The following ZSCAN18 variants were observed in gnomAD, a reference collection of about 807,000 sequenced individuals.
ZSCAN18 encodes the protein zinc finger and SCAN domain containing 18, also known as zinc finger and SCAN domain-containing protein 18.
ZSCAN18 carries 16 observed loss-of-function variants against 31.1 expected under a neutral mutation model. That is an observed-to-expected ratio of 0.51 (90% CI 0.35 to 0.78). ZSCAN18 has a LOEUF of 0.78. ZSCAN18 is among the 30% of genes least tolerant of loss of function. The pLI, the probability that ZSCAN18 is intolerant of heterozygous loss-of-function variation, is 0.01. For synonymous variants in ZSCAN18, 375 were observed against 320.7 expected (o/e 1.17, Z -1.81); for missense variants, 731 against 697.4 (o/e 1.05, Z -0.54).
chr19:58,117,752 A>T (rs2146034352), intron 1 of ZSCAN18, among the ~76,000 whole-genome samples: 1 of 143,502 alleles, frequency 7.0e-6, no homozygotes, highest in East Asian at 2.0e-4. Flanking sequence ...GGGGAGGCTG[A>T]GGTTAAGGGA....
intron 1 of ZSCAN18, among the ~76,000 whole-genome samples, chr19:58,096,281 G>A (rs1036410338): frequency 6.6e-6 from 1 of 152,174 alleles, no homozygotes; most frequent in Non-Finnish European, 1.5e-5. Context: ...GCTTGAATGA[G>A]GCCACACCTC....
At chr19:58,108,929 G>T in intron 1 of ZSCAN18, 1 of 1,055,964 alleles carries the variant, frequency 9.5e-7, no homozygotes, top group South Asian at 4.6e-5. Flanking sequence ...TTTTCCTCAA[G>T]AATTTGACCG....
chr19:58,098,313 G>A (rs1400539224), upstream of ZSCAN18: 1 of 985,376 alleles, frequency 1.0e-6, no homozygotes, highest in African/African-American at 1.7e-5. Context: ...CGCGCACCGG[G>A]GCGAGCAAGG....
intron 1 of ZSCAN18, among the ~76,000 whole-genome samples, chr19:58,094,877 CAAAAAAAAA>C (rs56377325): frequency 2.8e-5 from 1 of 35,282 alleles, no homozygotes; most frequent in Non-Finnish European, 5.1e-5. Flanking sequence ...GACCCTGTCG[CAAAAAAAAA>C]AAAAAAAAAA....
At chr19:58,099,225 C>T (rs1208756123), upstream of ZSCAN18, among the ~76,000 whole-genome samples, 1 of 152,182 alleles carries the variant, frequency 6.6e-6, no homozygotes, top group Non-Finnish European at 1.5e-5. Context: ...AATAGCTCCA[C>T]TGCCCAAAAA....
chr19:58,087,518 G>T, intron 3 of ZSCAN18, 114 bp from the exon 4 acceptor site: 1 of 897,120 alleles, frequency 1.1e-6, no homozygotes, highest in Non-Finnish European at 1.7e-6. Flanking sequence ...TTCTGTGACA[G>T]CAGCACCCAA....
intron 1 of ZSCAN18, among the ~76,000 whole-genome samples, chr19:58,103,619 T>C (rs372013475): frequency 6.6e-5 from 10 of 152,348 alleles, no homozygotes; most frequent in African/African-American, 2.2e-4. Context: ...CATTGCTCGC[T>C]GGTACGCACT....
chr19:58,085,992 TGCA>T (rs2145967003), intron 6 of ZSCAN18, 179 bp downstream of exon 6: 1 of 612,194 alleles, frequency 1.6e-6, no homozygotes, highest in South Asian at 2.0e-5. Context: ...TGGTCTGTCA[TGCA>T]GCAAGAGACC....
intron 1 of ZSCAN18, chr19:58,107,791 T>TA (rs1398547315): frequency 2.0e-6 from 2 of 992,608 alleles, no homozygotes; most frequent in Non-Finnish European, 2.4e-6. Context: ...CTCTGGTTTC[T>TA]AGCGAGAGCA....
chr19:58,087,054 G>A (rs1400205319), intron 4 of ZSCAN18, 46 bp from the exon 5 acceptor site: 15 of 1,474,292 alleles, frequency 1.0e-5, no homozygotes, highest in Non-Finnish European at 1.4e-5. Flanking sequence ...CCCTAGAGAA[G>A]GGAGGACCCG....
intron 1 of ZSCAN18, among the ~76,000 whole-genome samples, chr19:58,091,265 CAAAAAAA>C (rs5828749): frequency 8.6e-6 from 1 of 116,056 alleles, no homozygotes; most frequent in African/African-American, 3.3e-5. Context: ...GACTCTGTCT[CAAAAAAA>C]AAAAAAAAAA....
intron 1 of ZSCAN18, among the ~76,000 whole-genome samples, chr19:58,116,076 G>A (rs1228093042): frequency 2.0e-5 from 3 of 151,520 alleles, no homozygotes; most frequent in Non-Finnish European, 4.4e-5. Flanking sequence ...GGGGAGAGAA[G>A]AAGGTTGCAA....
At chr19:58,110,937 G>A (rs1043227295) in intron 1 of ZSCAN18, among the ~76,000 whole-genome samples, 10 of 152,114 alleles carry the variant, frequency 6.6e-5, no homozygotes, top group Non-Finnish European at 1.5e-5. Flanking sequence ...GGGAGGCTGA[G>A]GCAGGTGGAT....
At chr19:58,093,682 A>C (rs2074461156) in intron 1 of ZSCAN18, among the ~76,000 whole-genome samples, 1 of 152,060 alleles carries the variant, frequency 6.6e-6, no homozygotes, top group South Asian at 2.1e-4. Context: ...CTATCTTGCT[A>C]CTGTCCCCAT....
chr19:58,113,997 T>C (rs2554963), intron 1 of ZSCAN18, among the ~76,000 whole-genome samples: 2 of 151,016 alleles, frequency 1.3e-5, no homozygotes, highest in South Asian at 2.1e-4. Flanking sequence ...AGGCTGGGCG[T>C]GGTGGCTCGC....
At chr19:58,093,117 C>G (rs1186075878) in intron 1 of ZSCAN18, 1 of 150,952 alleles carries the variant, frequency 6.6e-6, no homozygotes, top group African/African-American at 2.4e-5. Context: ...TCTCAACTGG[C>G]CCCTCCGGGA....
At chr19:58,111,092 C>T (rs1489122662) in intron 1 of ZSCAN18, among the ~76,000 whole-genome samples, 3 of 151,896 alleles carry the variant, frequency 2.0e-5, no homozygotes, top group Admixed American at 6.6e-5. Context: ...GGCGTGAACC[C>T]GGGAGGCGGA....
Position 58,086,980 on chromosome 19 carries a change from T to C in ZSCAN18, c.671A>G (p.Gln224Arg). ...QKLKSFPEDP[Q>R]HLGEWGHLDP... is the part of the protein sequence containing the mutation. ...CAGGTGGCCCCACTCCCCCAGGTGC[T>C]GAGGGTCCTCTGGAAAGGACTTCAG... Residue 224 changes from glutamine to arginine, a missense_variant, in exon 5 of 7, where the codon CAG becomes CGG. By Grantham distance (43) the Gln-to-Arg change is conservative. Around this residue, in one of 4 missense-constraint regions of ZSCAN18, gnomAD observed 597 missense variants for 499.5 expected, o/e 1.20. Transcript: ENST00000601144. 6.2e-7 allele frequency: 1 copy of C among 1,613,824 alleles called. No homozygotes were observed. Among genetic ancestry groups the C allele is most frequent in the Non-Finnish European group, 8.5e-7 (1 of 1,179,930 alleles).
Position 58,085,270 on chromosome 19 carries a change from A to G in ZSCAN18, c.948T>C (p.Asp316=), listed in dbSNP as rs201106105. Reference sequence around the variant, plus strand: ...CCTCCTCAGTGGTGCCCGACGGGGGATCGGCAAGGGCGTCCCCAGGGGGCG... The same window carrying G: ...CCTCCTCAGTGGTGCCCGACGGGGGGTCGGCAAGGGCGTCCCCAGGGGGCG... ...TEAPPGDALA[D]PPSGTTEEEE... is the part of the protein sequence containing the mutation. The change falls in exon 7 of 7, where the codon GAT becomes GAC. Residue 316 remains aspartate (D), a synonymous_variant. Coordinates refer to ENST00000601144, the MANE Select transcript of ZSCAN18 (RefSeq NM_001145543.2). 6.2e-7 allele frequency: 1 copy of G among 1,602,566 alleles called. No individual in the cohort carries two copies. Among genetic ancestry groups the G allele is most frequent in the African/African-American group, 1.3e-5 (1 of 74,694 alleles).
Sources: gnomAD v4.1 joint callset for allele counts (sites outside exome capture counted in the v4.1 genomes callset) on GRCh38, gnomAD v4.1.1 for gene constraint, gnomAD v4.1.1 regional missense constraint, MANE v1.5 for transcripts, NCBI Gene and HGNC (gene_info 2026-07-23, HGNC 2026-07-21) for gene names.